Variants in ZBTB25 observed in about 807,000 individuals in gnomAD.
ZBTB25 encodes zinc finger and BTB domain-containing protein 25.
Under a neutral mutation model 34.2 loss-of-function variants are expected in ZBTB25, and 20 were observed. The ratio of observed to expected loss-of-function variants is 0.58; its 90% CI spans 0.41 to 0.85. The LOEUF (loss-of-function observed/expected upper bound fraction) is 0.85. Ranked by LOEUF, ZBTB25 falls within the 40% of genes least tolerant of loss-of-function variation. The pLI is 0.00. For synonymous variants in ZBTB25, 175 were observed against 186.4 expected, an observed-to-expected ratio of 0.94 and a Z score of 0.50; for missense variants, 437 against 521.8, an observed-to-expected ratio of 0.84 and a Z score of 1.58.
chr14:64,495,366 G>A (rs1003653342), intron 1 of ZBTB25, among the ~76,000 whole-genome samples: 1 of 152,212 alleles, frequency 6.6e-6, no homozygotes, highest in African/African-American at 2.4e-5. Flanking sequence ...TGAGGGGTTT[G>A]CAAGAAATTC....
intron 2 of ZBTB25, chr14:64,458,329 A>G (rs2140993791): frequency 1.3e-6 from 2 of 1,562,076 alleles, no homozygotes; most frequent in South Asian, 1.1e-5. Context: ...CTGGGTAATA[A>G]TTTGGCTTTT....
chr14:64,502,914 G>T, intron 1 of ZBTB25: 1 of 985,458 alleles, frequency 1.0e-6, no homozygotes, highest in Non-Finnish European at 1.2e-6. Flanking sequence ...ACAGAATCTT[G>T]TGAGAGGATC....
chr14:64,475,471 T>C (rs1262371494), downstream of ZBTB25, among the ~76,000 whole-genome samples: 1 of 144,458 alleles, frequency 6.9e-6, no homozygotes, highest in African/African-American at 2.6e-5. Flanking sequence ...CTTCTTGGTT[T>C]AAAAAAAAAA....
At chr14:64,464,550 A>T (rs1333630450) in intron 2 of ZBTB25, among the ~76,000 whole-genome samples, 3 of 152,160 alleles carry the variant, frequency 2.0e-5, no homozygotes, top group Non-Finnish European at 4.4e-5. Flanking sequence ...TGACATTTAC[A>T]CTCCCTAAGG....
chr14:64,475,773 C>T (rs1010978591), downstream of ZBTB25, among the ~76,000 whole-genome samples: 4 of 152,070 alleles, frequency 2.6e-5, no homozygotes, highest in Admixed American at 2.0e-4. Context: ...GATGGTGTGG[C>T]GCCGCGTCTG....
At chr14:64,500,655 C>T (rs1596663037) in intron 1 of ZBTB25, among the ~76,000 whole-genome samples, 2 of 151,668 alleles carry the variant, frequency 1.3e-5, no homozygotes, top group South Asian at 2.1e-4. Context: ...ATTAGTTGGG[C>T]GTGGTGGCAG....
At chr14:64,458,306 A>G in intron 2 of ZBTB25, 2 of 1,606,230 alleles carry the variant, frequency 1.2e-6, no homozygotes, top group South Asian at 1.1e-5. Flanking sequence ...TATTCTAAAC[A>G]GGTAAGTTGT....
chr14:64,478,438 G>A lies in ZBTB25; in HGVS notation c.*8485C>T, dbSNP rs2078740644. ...GTAGGTAACATACCTCATAGATTGT[G>A]GATGTACAAAAAATGAACAAAAGGC... On this transcript the variant is annotated 3_prime_UTR_variant, in exon 3 of 3. Transcript: ENST00000608382. 1 of 152,162 alleles carries A rather than the reference G, an allele frequency of 6.6e-6. No individual in the cohort carries two copies. Among genetic ancestry groups the A allele is most frequent in the South Asian group, 2.1e-4 (1 of 4,830 alleles). The allele number at this position is 152,162 out of a possible 1,614,324, so 9.4% of individuals were successfully genotyped here.
chr14:64,502,938 G>A, intron 1 of ZBTB25: 1 of 985,476 alleles, frequency 1.0e-6, no homozygotes, highest in Non-Finnish European at 1.2e-6. Flanking sequence ...AGCTCTGCCA[G>A]GACTTGAGTC....
Position 64,486,634 on chromosome 14 carries a change from G to C in ZBTB25, c.*289C>G, listed in dbSNP as rs962487590. ...CTGATTCTATAACTGGAAAAACTTA[G>C]AATTCTATAAATAACTATTTAAGGT... On this transcript the variant is annotated 3_prime_UTR_variant, in exon 3 of 3. Transcript: ENST00000608382. The C allele has an allele frequency of 2.5e-5, 25 of 987,742 alleles. No individual in the cohort carries two copies. The African/African-American group carries it at 3.6e-4, about 14-fold the overall frequency. 61.2% of individuals were successfully genotyped at this position (987,742 alleles called of 1,614,324 possible). A position where few individuals can be genotyped will look rare whatever the true frequency, so the allele number is the denominator to read the frequency against.
intron 1 of ZBTB25, among the ~76,000 whole-genome samples, chr14:64,495,151 T>C (rs956674113): frequency 6.6e-6 from 1 of 152,262 alleles, no homozygotes; most frequent in Non-Finnish European, 1.5e-5. Context: ...TTCTGGATTA[T>C]AGTCTAGGTA....
downstream of ZBTB25, chr14:64,473,619 G>A (rs933928845): frequency 1.2e-5 from 2 of 166,872 alleles, no homozygotes; most frequent in Non-Finnish European, 2.9e-5. Flanking sequence ...AATGTTTTTC[G>A]AGGTTTACAA....
chr14:64,496,524 T>C (rs2079282841), intron 1 of ZBTB25, among the ~76,000 whole-genome samples: 2 of 152,220 alleles, frequency 1.3e-5, no homozygotes, highest in African/African-American at 4.8e-5. Context: ...GAAGAGCTGT[T>C]GTTTATATAG....
At chr14:64,449,385 A>G in exon 3 of ZBTB25, 2 of 1,577,802 alleles carry the variant, frequency 1.3e-6, no homozygotes, top group Non-Finnish European at 1.7e-6. Flanking sequence ...TGGCAAAAAG[A>G]AGACAATTCT....
At position 64,485,883 on chromosome 14, in the gene ZBTB25, T is replaced by G. The variant is rs1363509212; in HGVS notation, c.*1040A>C. On this transcript the variant is annotated 3_prime_UTR_variant, in exon 3 of 3. Coordinates refer to ENST00000608382, the MANE Select transcript of ZBTB25 (RefSeq NM_006977.5). ...ACACTCTAGACCAAGTTAACAACCC[T>G]GGGGTTTTTAGTCAATGCAGTTCTA... The G allele has an allele frequency of 1.0e-6, 1 of 985,334 alleles. No homozygotes were observed. Among genetic ancestry groups the G allele is most frequent in the Admixed American group, 6.1e-5 (1 of 16,264 alleles). The allele number at this position is 985,334 out of a possible 1,614,324, so 61.0% of individuals were successfully genotyped here.
intron 2 of ZBTB25, chr14:64,468,822 A>G (rs748670901): frequency 6.2e-7 from 1 of 1,614,178 alleles, no homozygotes; most frequent in Non-Finnish European, 8.5e-7. Context: ...AATCATTCCA[A>G]AATTATAGAA....
chr14:64,451,302 A>G (rs1253377372), intron 2 of ZBTB25, among the ~76,000 whole-genome samples: 1 of 152,166 alleles, frequency 6.6e-6, no homozygotes, highest in Non-Finnish European at 1.5e-5. Context: ...GATTATAGGC[A>G]TGAGCCAATG....
chr14:64,476,147 G>A (rs1364339385), downstream of ZBTB25, among the ~76,000 whole-genome samples: 1 of 152,210 alleles, frequency 6.6e-6, no homozygotes, highest in African/African-American at 2.4e-5. Context: ...ATGACTACAA[G>A]TGGGTTTCTG....
chr14:64,451,213 G>T (rs753262836), intron 2 of ZBTB25, among the ~76,000 whole-genome samples: 5 of 152,030 alleles, frequency 3.3e-5, no homozygotes, highest in Non-Finnish European at 7.4e-5. Context: ...GTAGTGACTG[G>T]GTCTCCCTAT....
Sources: gnomAD v4.1 joint callset for allele counts (sites outside exome capture counted in the v4.1 genomes callset) on GRCh38, gnomAD v4.1.1 for gene constraint, MANE v1.5 for transcripts, NCBI Gene and HGNC (gene_info 2026-07-23, HGNC 2026-07-21) for gene names.